The following SORCS2 variants were observed in gnomAD, a reference collection of about 807,000 sequenced individuals.
SORCS2 encodes the protein sortilin related VPS10 domain containing receptor 2.
A neutral mutation model predicts 141.6 loss-of-function variants in SORCS2; 100 were observed. The ratio of observed to expected loss-of-function variants is 0.71; its 90% CI spans 0.60 to 0.83. SORCS2 has a LOEUF of 0.83. Ranked by LOEUF, SORCS2 falls within the 40% of genes least tolerant of loss-of-function variation. The pLI is 0.00. For missense variants in SORCS2, 1,646 were observed against 1,560.2 expected, an observed-to-expected ratio of 1.05 and a Z score of -0.93; for synonymous variants, 789 against 676.9, an observed-to-expected ratio of 1.17 and a Z score of -2.57.
chr4:7,499,452 G>A (rs1461630177), intron 2 of SORCS2, among the ~76,000 whole-genome samples: 1 of 152,204 alleles, frequency 6.6e-6, no homozygotes, highest in Non-Finnish European at 1.5e-5. Context: ...CACTGCAGGG[G>A]CACCAGTGAG....
At chr4:7,424,310 C>T (rs778429952) in intron 2 of SORCS2, among the ~76,000 whole-genome samples, 2 of 152,206 alleles carry the variant, frequency 1.3e-5, no homozygotes, top group Admixed American at 6.5e-5. Flanking sequence ...GGAAACCCCA[C>T]GATGGCAGGC....
At chr4:7,578,863 C>A (rs1715947181) in intron 3 of SORCS2, among the ~76,000 whole-genome samples, 1 of 152,156 alleles carries the variant, frequency 6.6e-6, no homozygotes, top group African/African-American at 2.4e-5. Flanking sequence ...TGATTGAAAC[C>A]TTTCTGTTTG....
At chr4:7,407,336 G>A (rs1725029527) in intron 2 of SORCS2, among the ~76,000 whole-genome samples, 2 of 152,004 alleles carry the variant, frequency 1.3e-5, no homozygotes, top group African/African-American at 2.4e-5. Flanking sequence ...ATTTATTAAT[G>A]TTTGCTTTAT....
intron 18 of SORCS2, among the ~76,000 whole-genome samples, chr4:7,721,939 A>ACCC (rs1726614128): frequency 6.6e-6 from 1 of 152,226 alleles, no homozygotes; most frequent in Non-Finnish European, 1.5e-5. Context: ...TAAATGAAAT[A>ACCC]TACCAGGATG....
At chr4:7,293,627 A>G (rs1716759672) in intron 1 of SORCS2, among the ~76,000 whole-genome samples, 1 of 152,210 alleles carries the variant, frequency 6.6e-6, no homozygotes, top group South Asian at 2.1e-4. Flanking sequence ...GGGTAAAGCC[A>G]ACCTGTTGCT....
intron 2 of SORCS2, among the ~76,000 whole-genome samples, chr4:7,446,963 C>G (rs1262825083): frequency 6.6e-6 from 1 of 152,210 alleles, no homozygotes; most frequent in African/African-American, 2.4e-5. Flanking sequence ...CACCTTCAGC[C>G]GGGCTGTCTC....
intron 3 of SORCS2, among the ~76,000 whole-genome samples, chr4:7,636,726 G>A (rs750025927): frequency 3.3e-5 from 5 of 151,886 alleles, no homozygotes; most frequent in Admixed American, 6.6e-5. Flanking sequence ...CCTTCCTCAC[G>A]CCTCCCTAGA....
At chr4:7,241,495 T>G (rs1712694700) in intron 1 of SORCS2, among the ~76,000 whole-genome samples, 1 of 152,122 alleles carries the variant, frequency 6.6e-6, no homozygotes, top group African/African-American at 2.4e-5. Context: ...CTTCACTCAG[T>G]TTTTTACTTA....
At chr4:7,319,025 T>G (rs555657251) in intron 1 of SORCS2, among the ~76,000 whole-genome samples, 325 of 152,344 alleles carry the variant, frequency 2.1e-3, no homozygotes, top group Non-Finnish European at 3.7e-3. Context: ...CTTAGCATAA[T>G]GCATTTGCAA....
At chr4:7,289,827 G>A (rs565745433) in intron 1 of SORCS2, among the ~76,000 whole-genome samples, 4 of 152,252 alleles carry the variant, frequency 2.6e-5, no homozygotes, top group East Asian at 3.9e-4. Flanking sequence ...CTCGGCTTGC[G>A]GCCCTTCCTC....
At chr4:7,726,050 G>A (rs898722899) in intron 20 of SORCS2, among the ~76,000 whole-genome samples, 1 of 152,240 alleles carries the variant, frequency 6.6e-6, no homozygotes, top group Non-Finnish European at 1.5e-5. Context: ...CCACACCCAT[G>A]GGGGTGGCCT....
chr4:7,269,506 T>C (rs1714977602), intron 1 of SORCS2, among the ~76,000 whole-genome samples: 1 of 152,230 alleles, frequency 6.6e-6, no homozygotes, highest in African/African-American at 2.4e-5. Flanking sequence ...CATCCTGGAC[T>C]TAGGGTGGGC....
rs563727109 is a variant in SORCS2, at chr4:7,615,598, G to A, written c.649-22730G>A. 1.6e-4 allele frequency among the ~76,000 whole-genome samples: 24 copies of A among 152,328 alleles called. No homozygotes were observed. In the South Asian group the frequency reaches 4.6e-3, roughly 29 times the overall value. ...CACTCTTGCCACATCAGGTGTTCCTGTGCCTGCCCGTGCTTTTCCATCACC... is the reference window on the plus strand; with the variant it reads ...CACTCTTGCCACATCAGGTGTTCCTATGCCTGCCCGTGCTTTTCCATCACC... On this transcript the variant is annotated intron_variant, in intron 3 of 26. Coordinates refer to ENST00000507866, the MANE Select transcript of SORCS2 (RefSeq NM_020777.3).
intron 11 of SORCS2, among the ~76,000 whole-genome samples, chr4:7,692,336 C>T (rs1183341044): frequency 6.6e-6 from 1 of 152,216 alleles, no homozygotes; most frequent in African/African-American, 2.4e-5. Flanking sequence ...GAATTCCATC[C>T]CAGAGGCAGG....
intron 1 of SORCS2, among the ~76,000 whole-genome samples, chr4:7,322,741 G>C (rs953875699): frequency 6.6e-6 from 1 of 152,214 alleles, no homozygotes; most frequent in East Asian, 1.9e-4. Context: ...CTTCTCGGGA[G>C]AGTTTGTGCT....
Position 7,247,146 on chromosome 4 carries a change from G to A in SORCS2, c.480+54020G>A, listed in dbSNP as rs1713151146. 2.6e-5 allele frequency among the ~76,000 whole-genome samples: 4 copies of A among 152,164 alleles called. No homozygotes were observed. In the South Asian group the frequency reaches 8.3e-4, roughly 32 times the overall value. Reference sequence around the variant, plus strand: ...GTCCACAGTTGCTTTCTGAGCCCAGGGGTCACCAACAAGACCCCAGGTGTG... The same window carrying A: ...GTCCACAGTTGCTTTCTGAGCCCAGAGGTCACCAACAAGACCCCAGGTGTG... On this transcript the variant is annotated intron_variant, in intron 1 of 26. Coordinates refer to ENST00000507866, the MANE Select transcript of SORCS2 (RefSeq NM_020777.3).
At chr4:7,654,823 G>T (rs1361510577) in intron 5 of SORCS2, among the ~76,000 whole-genome samples, 3 of 152,216 alleles carry the variant, frequency 2.0e-5, no homozygotes, top group African/African-American at 7.2e-5. Context: ...TGAGGAGCCA[G>T]ACCCGAGAAA....
At chr4:7,588,025 T>A (rs1716658325) in intron 3 of SORCS2, among the ~76,000 whole-genome samples, 2 of 152,212 alleles carry the variant, frequency 1.3e-5, no homozygotes, top group Non-Finnish European at 2.9e-5. Context: ...GGCAGAGTTT[T>A]TTGTCTGTTT....
intron 1 of SORCS2, among the ~76,000 whole-genome samples, chr4:7,368,210 G>A (rs1386829110): frequency 6.6e-6 from 1 of 152,226 alleles, no homozygotes; most frequent in Non-Finnish European, 1.5e-5. Context: ...GAACCGCCCT[G>A]GTGTGCTCTA....
Sources: allele counts gnomAD v4.1 joint callset (sites outside exome capture counted in the v4.1 genomes callset), GRCh38; gene constraint gnomAD v4.1.1; transcripts MANE v1.5; gene names NCBI Gene and HGNC (gene_info 2026-07-23, HGNC 2026-07-21).